The following MTOR variants were observed in gnomAD, a reference collection of about 807,000 sequenced individuals.
MTOR encodes mechanistic target of rapamycin kinase.
In MTOR, 70 loss-of-function variants were observed where a neutral mutation model predicts 319.8. The observed-to-expected ratio is 0.22, with a 90% CI of 0.18 to 0.27. The LOEUF (loss-of-function observed/expected upper bound fraction) is 0.27. Ranked by LOEUF, MTOR falls within the 10% of genes least tolerant of loss-of-function variation. The pLI is 1.00. For missense variants in MTOR, 1,890 were observed against 3,274.4 expected, an observed-to-expected ratio of 0.58 and a Z score of 10.32; for synonymous variants, 1,183 against 1,211.4, an observed-to-expected ratio of 0.98 and a Z score of 0.49.
chr1:11,142,581 G>A (rs1376138189), intron 34 of MTOR, among the ~76,000 whole-genome samples: 2 of 151,908 alleles, frequency 1.3e-5, no homozygotes, highest in Admixed American at 6.6e-5. Context: ...ACAGGTGTGA[G>A]CCACCATGCC....
chr1:11,240,545 G>C lies in MTOR; in HGVS notation c.1544C>G (p.Pro515Arg). The change falls in exon 11 of 58, where the codon CCT becomes CGT. Residue 515 changes from proline to arginine, a missense_variant and splice_region_variant. Coordinates refer to ENST00000361445, the MANE Select transcript of MTOR (RefSeq NM_004958.4). ...GTCGTAGAGCACTGCAGTGAGGGCA[G>C]GGCTGAGGGGAAGGAAACAAGTCAC... ...LEPMLAVGLS[P>R]ALTAVLYDLS... 1 of 1,613,708 alleles carries C rather than the reference G, an allele frequency of 6.2e-7. No individual in the cohort carries two copies. The highest frequency in any genetic ancestry group is 8.5e-7 in the Non-Finnish European group (1 of 1,179,728).
In MTOR at chr1:11,123,048, C is replaced by G. The variant is rs535203386; in HGVS notation, c.6663-922G>C. The stretch of plus-strand genomic sequence containing the variant: ...AGGAAGAGGAGTGCCAGAATACGGA[C>G]GATGGGAAAGGTTTGGCTTTCATCC... On this transcript the variant is annotated intron_variant, in intron 47 of 57. Transcript: ENST00000361445. 2.0e-5 allele frequency among the ~76,000 whole-genome samples: 3 copies of G among 152,076 alleles called. No individual in the cohort carries two copies. In the East Asian group the frequency reaches 5.8e-4, roughly 29 times the overall value.
rs148790487 is a variant in MTOR at position 11,231,916 on chromosome 1, T to C, written c.2515-482A>G. ...TTTTTTTTTTTTAGTAGAGACAAAG[T>C]CTCATCATGCCCAGGTTGCTCTCGC... On this transcript the variant is annotated intron_variant, in intron 16 of 57. Transcript: ENST00000361445. Among the ~76,000 whole-genome samples the C allele has an allele frequency of 4.3e-4, 66 of 152,014 alleles. 2 individuals are homozygous for C. In the East Asian group the frequency reaches 0.012, roughly 27 times the overall value.
Position 11,129,595 on chromosome 1 carries a change from A to G in MTOR, c.5714+143T>C, listed in dbSNP as rs1223629532. On this transcript the variant is annotated intron_variant, in intron 40 of 57. Transcript: ENST00000361445. This position sits in a 1 kb window ranked among gnomAD's most constrained non-coding sequence, Gnocchi z 4.7. The stretch of plus-strand genomic sequence containing the variant: ...GGGCCCAGTCAGCTGTTACTCCTTA[A>G]ATGCAGTGCAGAAAAAAGGCACATA... 1.6e-5 allele frequency: 11 copies of G among 689,626 alleles called. No individual in the cohort carries two copies. The highest frequency in any genetic ancestry group is 2.0e-5 in the Non-Finnish European group (8 of 396,224). 42.7% of individuals were successfully genotyped at this position (689,626 alleles called of 1,614,324 possible). A position where few individuals can be genotyped will look rare whatever the true frequency, so the allele number is the denominator to read the frequency against.
In MTOR at chr1:11,167,522, G is replaced by T. The variant is rs201737471; in HGVS notation, c.4254-5C>A. ...TGCTGTAGCTTATTATTAATGCTGA[G>T]AAAACAAAGGGAAAAGGTAGTTACA... On this transcript the variant is annotated splice_region_variant and splice_polypyrimidine_tract_variant and intron_variant, in intron 28 of 57. Transcript: ENST00000361445. 2.5e-5 allele frequency: 40 copies of T among 1,609,780 alleles called. No homozygotes were observed. The highest frequency in any genetic ancestry group is 3.2e-5 in the Non-Finnish European group (38 of 1,179,346).
rs1647010332 is a variant in MTOR, at chr1:11,231,400, C to T, written c.2549G>A (p.Ser850Asn). The T allele has an allele frequency of 6.2e-7, 1 of 1,614,184 alleles. No homozygotes were observed. Among genetic ancestry groups the T allele is most frequent in the Non-Finnish European group, 8.5e-7 (1 of 1,180,022 alleles). Residue 850 changes from serine (S) to asparagine (N), a missense_variant, in exon 17 of 58, where the codon AGC (serine) becomes AAC (asparagine). By Grantham distance (46) the Ser-to-Asn change is conservative (BLOSUM62 1). Around this residue, in one of 15 missense-constraint regions of MTOR, gnomAD observed 377 missense variants for 653.9 expected, o/e 0.58. Coordinates refer to ENST00000361445, the MANE Select transcript of MTOR (RefSeq NM_004958.4). ...GTAGGGCTCTACTACATAGCCAGTG[C>T]TGGCCACCAACTGTCCCAGGGTCCA... ...ALWTLGQLVA[S>N]TGYVVEPYRK...
chr1:11,214,493 AATG>A (rs1208202243), intron 20 of MTOR, among the ~76,000 whole-genome samples: 1 of 151,616 alleles, frequency 6.6e-6, no homozygotes, highest in African/African-American at 2.4e-5. Flanking sequence ...TAGGAAATTT[AATG>A]ATAATAGAAA....
chr1:11,256,397 C>T (rs1166421986), intron 4 of MTOR: 4 of 871,442 alleles, frequency 4.6e-6, no homozygotes, highest in Non-Finnish European at 5.5e-6. Context: ...TGTTTACAAA[C>T]ACAGAATGCT....
chr1:11,227,145 A>T (rs1646866339), intron 19 of MTOR, among the ~76,000 whole-genome samples: 1 of 151,530 alleles, frequency 6.6e-6, no homozygotes, highest in South Asian at 2.1e-4. Context: ...TAAAAATACA[A>T]AAATTAGCCG....
intron 19 of MTOR, among the ~76,000 whole-genome samples, chr1:11,223,241 CAGATGTAGACCTTAT>C (rs2100832606): frequency 6.6e-6 from 1 of 151,432 alleles, no homozygotes; most frequent in South Asian, 2.1e-4. Flanking sequence ...AACCAAATGC[CAGATGTAGACCTTAT>C]ATAGATTTTT....
At chr1:11,202,118 T>G (rs1160963439) in intron 26 of MTOR, among the ~76,000 whole-genome samples, 1 of 152,154 alleles carries the variant, frequency 6.6e-6, no homozygotes, top group African/African-American at 2.4e-5. Context: ...TAAACCAAAT[T>G]TTAAATGGCT....
At chr1:11,163,973 C>CA (rs1195182730) in intron 29 of MTOR, among the ~76,000 whole-genome samples, 6 of 151,726 alleles carry the variant, frequency 4.0e-5, no homozygotes, top group East Asian at 1.9e-4. Flanking sequence ...AAAAACCCTT[C>CA]AAAAAATCAA....
chr1:11,193,686 T>C, intron 28 of MTOR: 1 of 1,614,130 alleles, frequency 6.2e-7, no homozygotes, highest in Non-Finnish European at 8.5e-7. Context: ...AAGCAGGGCT[T>C]TGGCAGCATC....
intron 34 of MTOR, among the ~76,000 whole-genome samples, chr1:11,140,983 G>GAAA (rs56098089): frequency 2.8e-4 from 37 of 129,832 alleles, no homozygotes; most frequent in Admixed American, 1.5e-3. Context: ...TAAGACTTCT[G>GAAA]AAAAAAAAAA....
intron 6 of MTOR, among the ~76,000 whole-genome samples, chr1:11,252,573 T>G (rs1649835622): frequency 6.6e-6 from 1 of 152,176 alleles, no homozygotes; most frequent in Non-Finnish European, 1.5e-5. Context: ...AAAATGAGGC[T>G]AAACAGGTAA....
chr1:11,133,960 G>T lies in MTOR; in HGVS notation c.5246+391C>A, dbSNP rs934743608. ...CTACAAAAAACTAGCCAGTGTGGTG[G>T]CACGTGCCTATAGCTACTTGGGAAA... On this transcript the variant is annotated intron_variant, in intron 37 of 57. Coordinates refer to ENST00000361445, the MANE Select transcript of MTOR (RefSeq NM_004958.4). The surrounding 1 kb of genome is among the most constrained non-coding windows in gnomAD (Gnocchi z 4.0). Among the ~76,000 whole-genome samples, 17 of 152,070 alleles carry T rather than the reference G, an allele frequency of 1.1e-4. No homozygotes were observed. Among genetic ancestry groups the T allele is most frequent in the African/African-American group, 3.9e-4 (16 of 41,400 alleles).
chr1:11,221,456 C>T (rs1646660118), intron 19 of MTOR, among the ~76,000 whole-genome samples: 1 of 151,898 alleles, frequency 6.6e-6, no homozygotes, highest in African/African-American at 2.4e-5. Context: ...TAACATTGGT[C>T]ATTTTCTATT....
At chr1:11,117,323 G>A (rs2100333363) in intron 49 of MTOR, among the ~76,000 whole-genome samples, 1 of 152,214 alleles carries the variant, frequency 6.6e-6, no homozygotes, top group East Asian at 1.9e-4. Context: ...ACCATGCCCA[G>A]CTTATTTTTG....
Position 11,121,218 on chromosome 1 carries a change from C to CG in MTOR, c.6933+27dup, listed in dbSNP as rs747900978. Reference sequence around the variant, plus strand: ...ATTGCGAGTGGGGGTTCCAGGAGAGCGCAGGTCTGCAGGGCCCAGTGGCCT... The same window carrying CG: ...ATTGCGAGTGGGGGTTCCAGGAGAGCGGCAGGTCTGCAGGGCCCAGTGGCCT... On this transcript the variant is annotated intron_variant, in intron 49 of 57. Coordinates refer to ENST00000361445, the MANE Select transcript of MTOR (RefSeq NM_004958.4). The surrounding 1 kb of genome is among the most constrained non-coding windows in gnomAD (Gnocchi z 4.9). 37 of 1,610,622 alleles carry CG rather than the reference C, an allele frequency of 2.3e-5. No homozygotes were observed. The Admixed American group carries it at 6.2e-4, about 27-fold the overall frequency.
Sources: gnomAD v4.1 joint callset for allele counts (sites outside exome capture counted in the v4.1 genomes callset) on GRCh38, gnomAD v4.1.1 for gene constraint, gnomAD v4.1.1 regional missense constraint, Gnocchi (gnomAD v3.1) non-coding constraint, MANE v1.5 for transcripts, NCBI Gene and HGNC (gene_info 2026-07-23, HGNC 2026-07-21) for gene names.